The following ADAMTSL3 variants were observed in gnomAD, a reference collection of about 807,000 sequenced individuals.
ADAMTSL3 encodes ADAMTS-like protein 3.
ADAMTSL3 carries 128 observed loss-of-function variants against 201.7 expected under a neutral mutation model. The observed-to-expected ratio is 0.63, with a 90% CI of 0.55 to 0.73. The LOEUF is 0.73. Ranked by LOEUF, ADAMTSL3 falls within the 30% of genes least tolerant of loss-of-function variation. ADAMTSL3 has a pLI of 0.00. For synonymous variants in ADAMTSL3, 738 were observed against 748.4 expected (o/e 0.99, Z 0.23); for missense variants, 1,990 against 2,119.6 (o/e 0.94, Z 1.20).
chr15:83,678,179 A>G (rs1407312461), intron 2 of ADAMTSL3, among the ~76,000 whole-genome samples: 2 of 152,122 alleles, frequency 1.3e-5, no homozygotes, highest in Non-Finnish European at 2.9e-5. Context: ...ACGTTTAACA[A>G]ACTCATAAGG....
intron 9 of ADAMTSL3, among the ~76,000 whole-genome samples, chr15:83,871,168 C>CT (rs1248608461): frequency 6.6e-6 from 1 of 152,186 alleles, no homozygotes; most frequent in Non-Finnish European, 1.5e-5. Flanking sequence ...AAAAAACAAA[C>CT]TTCACTTTTA....
chr15:83,965,574 C>A (rs141856409), intron 19 of ADAMTSL3, among the ~76,000 whole-genome samples: 1,800 of 152,202 alleles, frequency 0.012, 46 homozygotes, highest in African/African-American at 0.041. Flanking sequence ...GACTCCCACA[C>A]AATAATAGTG....
chr15:83,760,929 A>G (rs563150956), intron 3 of ADAMTSL3, among the ~76,000 whole-genome samples: 156 of 152,160 alleles, frequency 1.0e-3, no homozygotes, highest in African/African-American at 3.7e-3. Context: ...CTGTCTTTTA[A>G]TTGGTGATTT....
intron 27 of ADAMTSL3, among the ~76,000 whole-genome samples, chr15:84,026,881 T>C (rs1013319543): frequency 5.3e-5 from 8 of 152,080 alleles, no homozygotes; most frequent in Non-Finnish European, 1.2e-4. Context: ...TTCTTAGATA[T>C]AACAACAAAA....
At chr15:83,838,009 A>G in intron 6 of ADAMTSL3, 80 bp from the exon 7 acceptor site, 1 of 1,534,462 alleles carries the variant, frequency 6.5e-7, no homozygotes, top group East Asian at 2.3e-5. Flanking sequence ...GGATTACATC[A>G]CAACTAAGCT....
intron 17 of ADAMTSL3, among the ~76,000 whole-genome samples, chr15:83,942,173 G>A (rs1403746252): frequency 2.0e-5 from 3 of 152,174 alleles, no homozygotes. Flanking sequence ...AATTTTCTTA[G>A]GGATATTCCA....
intron 4 of ADAMTSL3, among the ~76,000 whole-genome samples, chr15:83,781,111 T>C (rs1331510387): frequency 6.6e-6 from 1 of 152,100 alleles, no homozygotes; most frequent in East Asian, 1.9e-4. Context: ...AAAAAAACTA[T>C]TTTAACATCC....
At chr15:83,828,501 A>G (rs1260440003) in intron 6 of ADAMTSL3, among the ~76,000 whole-genome samples, 2 of 152,124 alleles carry the variant, frequency 1.3e-5, no homozygotes, top group Non-Finnish European at 2.9e-5. Context: ...CTCTTTTCCT[A>G]ATTGAATACC....
intron 4 of ADAMTSL3, among the ~76,000 whole-genome samples, 172 bp from the exon 5 acceptor site, chr15:83,804,478 G>C (rs1053591637): frequency 6.6e-6 from 1 of 151,350 alleles, no homozygotes; most frequent in Non-Finnish European, 1.5e-5. Flanking sequence ...TTTGGCTCCC[G>C]ATCCTTGAAA....
intron 8 of ADAMTSL3, among the ~76,000 whole-genome samples, chr15:83,868,851 T>C (rs1567201872): frequency 1.3e-5 from 2 of 152,186 alleles, no homozygotes; most frequent in Non-Finnish European, 2.9e-5. Flanking sequence ...AGATTCTGTA[T>C]TAAAAACAAA....
intron 8 of ADAMTSL3, chr15:83,862,048 C>T (rs972284501): frequency 4.6e-5 from 7 of 151,678 alleles, no homozygotes; most frequent in African/African-American, 9.7e-5. Context: ...TGAAATGAAG[C>T]GAAAAGAGAA....
chr15:83,894,246 C>G (rs2065569178), intron 13 of ADAMTSL3, among the ~76,000 whole-genome samples: 1 of 152,182 alleles, frequency 6.6e-6, no homozygotes, highest in Admixed American at 6.5e-5. Context: ...TATCCCCAGA[C>G]TAAACATCAT....
chr15:83,982,846 G>A lies in ADAMTSL3; in HGVS notation c.3218G>A (p.Trp1073Ter), dbSNP rs770871266. The stretch of plus-strand genomic sequence containing the variant: ...AATTCTGCAGGAAGCACCAACTCCT[G>A]GGAGTTGAAGAATAAGCAGTTTGAA... ...CSNSAGSTNS[W>*]ELKNKQFEAA... Residue 1073 changes from tryptophan (W) to a stop codon, truncating the protein, a stop_gained, in exon 21 of 30, where the codon TGG becomes TAG. Coordinates refer to ENST00000286744, the MANE Select transcript of ADAMTSL3 (RefSeq NM_207517.3). LOFTEE classifies it high-confidence loss of function. 6.2e-7 allele frequency: 1 copy of A among 1,614,098 alleles called. No homozygotes were observed. The highest frequency in any genetic ancestry group is 8.5e-7 in the Non-Finnish European group (1 of 1,180,034).
chr15:83,702,340 A>G (rs796381497), intron 2 of ADAMTSL3, among the ~76,000 whole-genome samples: 3 of 152,358 alleles, frequency 2.0e-5, no homozygotes, highest in African/African-American at 7.2e-5. Context: ...GGAAAAATTC[A>G]AGCTGGCTGC....
intron 3 of ADAMTSL3, among the ~76,000 whole-genome samples, chr15:83,738,036 A>G (rs756336223): frequency 5.9e-5 from 9 of 152,216 alleles, no homozygotes; most frequent in Non-Finnish European, 1.0e-4. Context: ...AAGTACTACA[A>G]GATGATTACC....
At chr15:83,825,408 C>T (rs530335279) in intron 6 of ADAMTSL3, among the ~76,000 whole-genome samples, 3 of 152,202 alleles carry the variant, frequency 2.0e-5, no homozygotes, top group South Asian at 2.1e-4. Flanking sequence ...CCTAGGAGTT[C>T]GAGACCAGCC....
At chr15:83,836,462 T>C (rs1049075244) in intron 6 of ADAMTSL3, among the ~76,000 whole-genome samples, 4 of 152,342 alleles carry the variant, frequency 2.6e-5, no homozygotes, top group Non-Finnish European at 4.4e-5. Flanking sequence ...TTGATCTTTC[T>C]CTTTCCCTTC....
At chr15:83,783,807 G>A (rs970315840) in intron 4 of ADAMTSL3, among the ~76,000 whole-genome samples, 14 of 150,256 alleles carry the variant, frequency 9.3e-5, no homozygotes, top group African/African-American at 3.4e-4. Flanking sequence ...AAAAGGAAGA[G>A]CAAATTTTAA....
intron 2 of ADAMTSL3, among the ~76,000 whole-genome samples, chr15:83,691,131 A>C (rs2061603033): frequency 6.6e-6 from 1 of 152,196 alleles, no homozygotes; most frequent in Admixed American, 6.5e-5. Context: ...ATTTAAGAAA[A>C]TGCAATGATT....
Sources: gnomAD v4.1 joint callset for allele counts (sites outside exome capture counted in the v4.1 genomes callset) on GRCh38, gnomAD v4.1.1 for gene constraint, MANE v1.5 for transcripts, NCBI Gene and HGNC (gene_info 2026-07-23, HGNC 2026-07-21) for gene names.